The following YIPF4 variants were observed in gnomAD, a reference collection of about 807,000 sequenced individuals.
YIPF4 encodes protein YIPF4.
YIPF4 carries 18 observed loss-of-function variants against 29.4 expected under a neutral mutation model. The ratio of observed to expected loss-of-function variants is 0.61; its 90% CI spans 0.42 to 0.91. The LOEUF (loss-of-function observed/expected upper bound fraction) is 0.91, where lower values mean the gene tolerates loss of function less well. Among genes scored for constraint, YIPF4 ranks in the 40% least tolerant of loss-of-function variants. YIPF4 has a pLI of 0.00. For missense variants in YIPF4, 279 were observed against 282.7 expected (o/e 0.99, Z 0.09); for synonymous variants, 115 against 104.7 (o/e 1.10, Z -0.60).
chr2:32,286,031 T>C (rs552486199), intron 1 of YIPF4, among the ~76,000 whole-genome samples: 1 of 152,304 alleles, frequency 6.6e-6, no homozygotes, highest in African/African-American at 2.4e-5. Context: ...AAAATGACAT[T>C]TTAGCCAACC....
chr2:32,278,117 C>T lies in YIPF4; in HGVS notation c.-39C>T. The T allele has an allele frequency of 6.5e-7, 1 of 1,534,888 alleles. No individual in the cohort carries two copies. Among genetic ancestry groups the T allele is most frequent in the South Asian group, 1.2e-5 (1 of 83,164 alleles). Reference sequence around the variant, plus strand: ...CCGCCTCGGGGTCTGGGCCCAGCCGCAGCCTCTTCTACCGCGGCCGGTTGG... The same window carrying T: ...CCGCCTCGGGGTCTGGGCCCAGCCGTAGCCTCTTCTACCGCGGCCGGTTGG... On this transcript the variant is annotated 5_prime_UTR_variant, in exon 1 of 6. Coordinates refer to ENST00000238831, the MANE Select transcript of YIPF4 (RefSeq NM_032312.4).
Position 32,312,249 on chromosome 2 carries a change from G to A in YIPF4, c.*6623G>A, listed in dbSNP as rs1476850009. The A allele has an allele frequency of 1.3e-5, 2 of 151,896 alleles. No individual in the cohort carries two copies. The highest frequency in any genetic ancestry group is 2.9e-5 in the Non-Finnish European group (2 of 68,010). The allele number at this position is 151,896 out of a possible 1,614,324, so 9.4% of individuals were successfully genotyped here. On this transcript the variant is annotated 3_prime_UTR_variant, in exon 6 of 6. Transcript: ENST00000238831. ...CACGCCTGTAATCCCAGCACTTTGG[G>A]AGGCCGAGGTGGGCGGACCACGAGG...
At chr2:32,285,402 A>G (rs1019732351) in intron 1 of YIPF4, among the ~76,000 whole-genome samples, 1 of 152,186 alleles carries the variant, frequency 6.6e-6, no homozygotes, top group Non-Finnish European at 1.5e-5. Flanking sequence ...GACTGGACTC[A>G]ATATATTGCA....
chr2:32,292,183 A>T lies in YIPF4; in HGVS notation c.240A>T (p.Glu80Asp), dbSNP rs774778061. 10 of 1,487,394 alleles carry T rather than the reference A, an allele frequency of 6.7e-6. No individual in the cohort carries two copies. The highest frequency in any genetic ancestry group is 9.0e-6 in the Non-Finnish European group (10 of 1,113,096). The allele number at this position is 1,487,394 out of a possible 1,614,324, so 92.1% of individuals were successfully genotyped here. ...TTTTATTTTAAAATTATAGGGAAGA[A>T]TTGGACATTGATCTAAAGGATATTT... is the stretch of plus-strand genomic sequence containing the variant. ...DPEDNKPLLE[E>D]LDIDLKDIYY... Residue 80 changes from glutamate (E) to aspartate (D), a missense_variant, in exon 3 of 6, where the codon GAA (glutamate) becomes GAT (aspartate). Transcript: ENST00000238831.
Position 32,309,724 on chromosome 2 carries a change from C to T in YIPF4, c.*4098C>T, listed in dbSNP as rs1224931721. The T allele has an allele frequency of 2.3e-5, 3 of 131,180 alleles. No homozygotes were observed. The highest frequency in any genetic ancestry group is 3.1e-5 in the Non-Finnish European group (2 of 65,276). 8.1% of individuals were successfully genotyped at this position (131,180 alleles called of 1,614,324 possible). ...TTTTTTTTGGAGACGGAGTCTTGCT[C>T]TCTCGCCCAGGCTGGAGTGTGTGGC... is the stretch of plus-strand genomic sequence containing the variant. On this transcript the variant is annotated 3_prime_UTR_variant, in exon 6 of 6. Coordinates refer to ENST00000238831, the MANE Select transcript of YIPF4 (RefSeq NM_032312.4).
rs1271443073 is a variant in YIPF4 at position 32,311,060 on chromosome 2, G to C, written c.*5434G>C. 6.6e-6 allele frequency: 1 copy of C among 151,768 alleles called. No individual in the cohort carries two copies. The allele number at this position is 151,768 out of a possible 1,614,324, so 9.4% of individuals were successfully genotyped here. A position where few individuals can be genotyped will look rare whatever the true frequency, so the allele number is the denominator to read the frequency against. Reference sequence around the variant, plus strand: ...AAAAGCTAGACATTCCTACATTTTTGCACTACAATACATAAAAACTCCCAT... The same window carrying C: ...AAAAGCTAGACATTCCTACATTTTTCCACTACAATACATAAAAACTCCCAT... On this transcript the variant is annotated 3_prime_UTR_variant, in exon 6 of 6. Transcript: ENST00000238831.
chr2:32,294,149 C>A (rs1252589410), intron 3 of YIPF4, among the ~76,000 whole-genome samples: 2 of 150,562 alleles, frequency 1.3e-5, no homozygotes, highest in Admixed American at 6.6e-5. Context: ...CCAGACGGGT[C>A]GGCTGGCCTG....
In YIPF4 at chr2:32,306,214, C is replaced by T. The variant is rs931129193; in HGVS notation, c.*588C>T. The T allele has an allele frequency of 5.6e-6, 5 of 898,976 alleles. No individual in the cohort carries two copies. The highest frequency in any genetic ancestry group is 6.7e-6 in the Non-Finnish European group (5 of 751,442). 55.7% of individuals were successfully genotyped at this position (898,976 alleles called of 1,614,324 possible). A position where few individuals can be genotyped will look rare whatever the true frequency, so the allele number is the denominator to read the frequency against. On this transcript the variant is annotated 3_prime_UTR_variant, in exon 6 of 6. Transcript: ENST00000238831. ...TAAAATTGTATATAGTTTTTAAAATCTCACACATGCTTCGATACTTCCTTG... is the reference window on the plus strand; with the variant it reads ...TAAAATTGTATATAGTTTTTAAAATTTCACACATGCTTCGATACTTCCTTG...
intron 1 of YIPF4, among the ~76,000 whole-genome samples, chr2:32,283,507 T>C (rs2030525666): frequency 2.0e-5 from 3 of 152,210 alleles, no homozygotes; most frequent in African/African-American, 4.8e-5. Context: ...CTGATCATCA[T>C]GCTTAGAATG....
chr2:32,290,708 AT>A, intron 2 of YIPF4, 72 bp downstream of exon 2: 1 of 1,091,060 alleles, frequency 9.2e-7, no homozygotes, highest in Non-Finnish European at 1.2e-6. Flanking sequence ...TCTTCTTGTT[AT>A]TTAGAGAGAA....
chr2:32,305,623 G>T lies in YIPF4; in HGVS notation c.732G>T (p.Val244=). 1 of 1,583,206 alleles carries T rather than the reference G, an allele frequency of 6.3e-7. No individual in the cohort carries two copies. The highest frequency in any genetic ancestry group is 8.6e-7 in the Non-Finnish European group (1 of 1,167,650). The part of the protein sequence containing the change: ...YIYFLSLYTG[V] ...ATTTTTTGTCGTTATATACTGGTGT[G>T]TGATCCAAGTTATACATGAATAGAA... The change falls in exon 6 of 6, where the codon GTG becomes GTT. Residue 244 remains valine (V), a synonymous_variant. Coordinates refer to ENST00000238831, the MANE Select transcript of YIPF4 (RefSeq NM_032312.4).
intron 1 of YIPF4, among the ~76,000 whole-genome samples, chr2:32,289,472 A>G (rs1017885010): frequency 4.6e-5 from 7 of 152,228 alleles, no homozygotes; most frequent in Non-Finnish European, 8.8e-5. Context: ...AGAGGTATCT[A>G]TCTGTGTTAG....
At chr2:32,288,613 C>T (rs1427940670) in intron 1 of YIPF4, among the ~76,000 whole-genome samples, 1 of 152,150 alleles carries the variant, frequency 6.6e-6, no homozygotes, top group Non-Finnish European at 1.5e-5. Flanking sequence ...AGTTCGAGAC[C>T]AGCCTGGCCA....
Position 32,292,105 on chromosome 2 carries a change from T to G in YIPF4, c.234-72T>G, listed in dbSNP as rs2030943672. On this transcript the variant is annotated intron_variant, in intron 2 of 5. Coordinates refer to ENST00000238831, the MANE Select transcript of YIPF4 (RefSeq NM_032312.4). ...ATAACTGTCTTATTTAAAGTTTTCT[T>G]AATTTTTTTTTGGAATTGTTTTAGT... 7 of 1,087,794 alleles carry G rather than the reference T, an allele frequency of 6.4e-6. No homozygotes were observed. In the East Asian group the frequency reaches 2.0e-4, roughly 31 times the overall value. 67.4% of individuals were successfully genotyped at this position (1,087,794 alleles called of 1,614,324 possible). A position where few individuals can be genotyped will look rare whatever the true frequency, so the allele number is the denominator to read the frequency against.
rs1183192206 is a variant in YIPF4 at position 32,301,448 on chromosome 2, G to A, written c.550G>A (p.Val184Ile). 6.2e-7 allele frequency: 1 copy of A among 1,613,714 alleles called. No homozygotes were observed. The highest frequency in any genetic ancestry group is 1.7e-5 in the Admixed American group (1 of 60,004). ...SLLPLIVIAPVLLVVGSFEVV... is the reference protein window; with the variant it reads ...SLLPLIVIAPILLVVGSFEVV... Reference sequence around the variant, plus strand: ...ACTTCCTCTCATTGTAATAGCCCCTGTACTTTTGGTGGTTGGATCATTTGA... The same window carrying A: ...ACTTCCTCTCATTGTAATAGCCCCTATACTTTTGGTGGTTGGATCATTTGA... The change falls in exon 5 of 6, where the codon GTA becomes ATA. Residue 184 changes from valine (V) to isoleucine (I), a missense_variant. Val to Ile is a conservative substitution (Grantham distance 29). Coordinates refer to ENST00000238831, the MANE Select transcript of YIPF4 (RefSeq NM_032312.4).
intron 1 of YIPF4, among the ~76,000 whole-genome samples, chr2:32,286,184 A>C (rs2030661972): frequency 6.6e-6 from 1 of 152,214 alleles, no homozygotes; most frequent in Non-Finnish European, 1.5e-5. Flanking sequence ...ACACACACAC[A>C]AATGAGTGCA....
intron 5 of YIPF4, among the ~76,000 whole-genome samples, chr2:32,304,966 T>C (rs758096891): frequency 6.6e-6 from 1 of 152,130 alleles, no homozygotes; most frequent in Non-Finnish European, 1.5e-5. Flanking sequence ...GGAAAAAACT[T>C]AATAAATATT....
At position 32,313,754 on chromosome 2, in the gene YIPF4, G is replaced by T. The variant is rs2031767127; in HGVS notation, c.*8128G>T. 6.6e-6 allele frequency: 1 copy of T among 152,062 alleles called. No individual in the cohort carries two copies. Among genetic ancestry groups the T allele is most frequent in the African/African-American group, 2.4e-5 (1 of 41,352 alleles). 9.4% of individuals were successfully genotyped at this position (152,062 alleles called of 1,614,324 possible). A position where few individuals can be genotyped will look rare whatever the true frequency, so the allele number is the denominator to read the frequency against. On this transcript the variant is annotated 3_prime_UTR_variant, in exon 6 of 6. Transcript: ENST00000238831. ...AGTCTTGCTCTGTTGCCAGGCTGGA[G>T]TGCAGTGGCGCGATCTTGGCTCACT...
At chr2:32,293,296 AC>A (rs2031002362) in intron 3 of YIPF4, among the ~76,000 whole-genome samples, 2 of 152,078 alleles carry the variant, frequency 1.3e-5, no homozygotes, top group African/African-American at 4.8e-5. Flanking sequence ...ATGACTCTTA[AC>A]GAGCATGCTG....
Sources: allele counts gnomAD v4.1 joint callset (sites outside exome capture counted in the v4.1 genomes callset), GRCh38; gene constraint gnomAD v4.1.1; transcripts MANE v1.5; gene names NCBI Gene and HGNC (gene_info 2026-07-23, HGNC 2026-07-21).